The following HFM1 variants were observed in gnomAD, a reference collection of about 807,000 sequenced individuals.
The protein encoded by HFM1 is probable ATP-dependent DNA helicase HFM1.
HFM1 carries 169 observed loss-of-function variants against 192.1 expected under a neutral mutation model. The observed-to-expected ratio is 0.88, with a 90% CI of 0.78 to 1.00. The LOEUF is 1.00. HFM1 is among the 50% of genes least tolerant of loss of function. The pLI is 0.00. For missense variants in HFM1, 1,661 were observed against 1,668.0 expected, an observed-to-expected ratio of 1.00 and a Z score of 0.07; for synonymous variants, 525 against 537.8, an observed-to-expected ratio of 0.98 and a Z score of 0.33.
At chr1:91,385,164 A>G in intron 6 of HFM1, 23 bp downstream of exon 6, 1 of 1,351,320 alleles carries the variant, frequency 7.4e-7, no homozygotes, top group South Asian at 1.3e-5. Flanking sequence ...CAAAGCAGCT[A>G]TTGTAAATAA....
chr1:91,353,014 T>C, intron 15 of HFM1, 37 bp downstream of exon 15: 1 of 1,297,036 alleles, frequency 7.7e-7, no homozygotes, highest in Non-Finnish European at 1.1e-6. Flanking sequence ...TTTTCCAAAA[T>C]ATTTTATAGT....
chr1:91,315,943 T>A lies in HFM1; in HGVS notation c.3012A>T (p.Glu1004Asp). Residue 1004 changes from glutamate (E) to aspartate (D), a missense_variant, in exon 28 of 39, where the codon GAA (glutamate) becomes GAT (aspartate). Transcript: ENST00000370425. Reference sequence around the variant, plus strand: ...TTCTTAATATAACAGTCACTAATATTTCTGCCGTCGTATCACTATATCTTG... The same window carrying A: ...TTCTTAATATAACAGTCACTAATATATCTGCCGTCGTATCACTATATCTTG... ...QITRYSDTTA[E>D]ILVTVILRNF... 6.3e-7 allele frequency: 1 copy of A among 1,592,990 alleles called. No homozygotes were observed. Among genetic ancestry groups the A allele is most frequent in the Non-Finnish European group, 8.6e-7 (1 of 1,161,698 alleles).
chr1:91,313,692 T>C (rs1650801643), intron 29 of HFM1, among the ~76,000 whole-genome samples, 197 bp from the exon 30 acceptor site: 1 of 151,858 alleles, frequency 6.6e-6, no homozygotes, highest in South Asian at 2.1e-4. Flanking sequence ...ATAAAAATCT[T>C]CCAACAATAA....
Position 91,273,815 on chromosome 1 carries a change from C to T in HFM1, c.3669G>A (p.Arg1223=). 6.7e-7 allele frequency: 1 copy of T among 1,485,802 alleles called. No homozygotes were observed. 92.0% of individuals were successfully genotyped at this position (1,485,802 alleles called of 1,614,324 possible). A position where few individuals can be genotyped will look rare whatever the true frequency, so the allele number is the denominator to read the frequency against. ...ATTCAGATATGTTTAAATATTCTGA[C>T]CTTTATAAAGATAAAACCATGAAAA... ...TPKPSLPSIS[R]SEYLNISELP... Residue 1223 remains arginine (R), a splice_region_variant and synonymous_variant, in exon 34 of 39, where the codon AGG becomes AGA. Transcript: ENST00000370425.
At chr1:91,378,519 T>A in intron 9 of HFM1, 39 bp from the exon 10 acceptor site, 1 of 1,155,332 alleles carries the variant, frequency 8.7e-7, no homozygotes, top group Non-Finnish European at 1.3e-6. Context: ...TTTAATGTGA[T>A]AAGGAATTAT....
Position 91,322,990 on chromosome 1 carries a change from T to C in HFM1, c.2542A>G (p.Met848Val), listed in dbSNP as rs1269307059. ...TCTCTTGTTTTAATTCTTCCTTCCA[T>C]TGGAAATCTGTAAATAAAACCACAT... is the stretch of plus-strand genomic sequence containing the variant. ...DPNRITIRFP[M>V]EGRIKTREMK... Residue 848 changes from methionine (M) to valine (V), a missense_variant, in exon 23 of 39, where the codon ATG (methionine) becomes GTG (valine). Met to Val is a conservative substitution (Grantham distance 21). Transcript: ENST00000370425. 1.5e-6 allele frequency: 2 copies of C among 1,376,564 alleles called. No individual in the cohort carries two copies. The highest frequency in any genetic ancestry group is 2.0e-6 in the Non-Finnish European group (2 of 1,023,374). 85.3% of individuals were successfully genotyped at this position (1,376,564 alleles called of 1,614,324 possible).
intron 11 of HFM1, among the ~76,000 whole-genome samples, 163 bp from the exon 12 acceptor site, chr1:91,375,890 T>C (rs997133305): frequency 3.9e-5 from 6 of 151,984 alleles, no homozygotes; most frequent in African/African-American, 1.4e-4. Context: ...ATTCTGTTGA[T>C]ATAGTGGTCA....
Position 91,394,074 on chromosome 1 carries a change from G to C in HFM1, c.494+19C>G. 1 of 1,282,542 alleles carries C rather than the reference G, an allele frequency of 7.8e-7. No individual in the cohort carries two copies. Among genetic ancestry groups the C allele is most frequent in the Non-Finnish European group, 1.1e-6 (1 of 921,544 alleles). 79.4% of individuals were successfully genotyped at this position (1,282,542 alleles called of 1,614,324 possible). On this transcript the variant is annotated intron_variant, in intron 4 of 38. Transcript: ENST00000370425. ...AACTTTATTCACAGAATATTATTTAGTTTAATTATAATAATTACCTTTTCC... is the reference window on the plus strand; with the variant it reads ...AACTTTATTCACAGAATATTATTTACTTTAATTATAATAATTACCTTTTCC...
intron 20 of HFM1, among the ~76,000 whole-genome samples, chr1:91,333,068 G>C (rs553389564): frequency 1.3e-5 from 2 of 152,116 alleles, no homozygotes; most frequent in African/African-American, 4.8e-5. Context: ...TAAAAAGAGA[G>C]CTACTATATG....
At chr1:91,277,306 A>G (rs1666920312) in intron 30 of HFM1, among the ~76,000 whole-genome samples, 1 of 151,306 alleles carries the variant, frequency 6.6e-6, no homozygotes. Context: ...TACAGCCTCA[A>G]TCTCCTGGGC....
At chr1:91,268,814 C>T (rs571669783) in intron 34 of HFM1, among the ~76,000 whole-genome samples, 12 of 152,058 alleles carry the variant, frequency 7.9e-5, no homozygotes, top group African/African-American at 2.6e-4. Context: ...CTGCAAGTGA[C>T]GAATGTAGCT....
Position 91,375,641 on chromosome 1 carries a change from C to T in HFM1, c.1482G>A (p.Val494=), listed in dbSNP as rs1215846598. ...TACTACTGCAGGGAAATCCAAGGAC[C>T]ACTTTCTGAAGTTTCACTGGTCTAT... The part of the protein sequence containing the change: ...ESHRPVKLQK[V]VLGFPCSSNQ... Residue 494 remains valine (V), a synonymous_variant, in exon 12 of 39, where the codon GTG becomes GTA. Transcript: ENST00000370425. 1.9e-6 allele frequency: 3 copies of T among 1,613,414 alleles called. No individual in the cohort carries two copies. The highest frequency in any genetic ancestry group is 2.5e-6 in the Non-Finnish European group (3 of 1,179,540).
At chr1:91,400,519 T>C (rs111271890) in intron 2 of HFM1, among the ~76,000 whole-genome samples, 1 of 152,098 alleles carries the variant, frequency 6.6e-6, no homozygotes, top group African/African-American at 2.4e-5. Context: ...TTTCACTCTG[T>C]TGCTCTGGCT....
intron 30 of HFM1, among the ~76,000 whole-genome samples, chr1:91,288,771 ACTT>A (rs1397285731): frequency 6.6e-6 from 1 of 152,156 alleles, no homozygotes; most frequent in East Asian, 1.9e-4. Context: ...TCCTATGTCT[ACTT>A]CTTTCTACAC....
chr1:91,292,421 G>T (rs755552039), intron 30 of HFM1, among the ~76,000 whole-genome samples: 1 of 133,094 alleles, frequency 7.5e-6, no homozygotes, highest in South Asian at 2.7e-4. Flanking sequence ...GACAAACAGA[G>T]AGCCAAATCA....
chr1:91,331,416 A>C (rs1335824862), intron 20 of HFM1, among the ~76,000 whole-genome samples: 1 of 152,204 alleles, frequency 6.6e-6, no homozygotes, highest in Non-Finnish European at 1.5e-5. Context: ...AAAAGAAGTA[A>C]AAGATCTTTG....
At position 91,380,150 on chromosome 1, in the gene HFM1, C is replaced by A; in HGVS notation, c.960G>T (p.Leu320Phe). 1 of 1,498,102 alleles carries A rather than the reference C, an allele frequency of 6.7e-7. No homozygotes were observed. Among genetic ancestry groups the A allele is most frequent in the Non-Finnish European group, 9.2e-7 (1 of 1,090,786 alleles). The allele number at this position is 1,498,102 out of a possible 1,614,324, so 92.8% of individuals were successfully genotyped here. Residue 320 changes from leucine (L) to phenylalanine (F), a missense_variant, in exon 8 of 39, where the codon TTG (leucine) becomes TTT (phenylalanine). By Grantham distance (22) the Leu-to-Phe change is conservative. Coordinates refer to ENST00000370425, the MANE Select transcript of HFM1 (RefSeq NM_001017975.6). ...TVVFELAITR[L>F]LMEVPLPWLN... Reference sequence around the variant, plus strand: ...ACCATGGCAATGGTACTTCCATTAACAATCTTGTTATAGCTAGTTCAAACA... The same window carrying A: ...ACCATGGCAATGGTACTTCCATTAAAAATCTTGTTATAGCTAGTTCAAACA...
chr1:91,335,516 G>A (rs1056252880), intron 20 of HFM1, among the ~76,000 whole-genome samples: 3 of 152,056 alleles, frequency 2.0e-5, no homozygotes, highest in African/African-American at 7.2e-5. Flanking sequence ...AAAGCAGAGG[G>A]AATGAAAAGT....
chr1:91,326,724 A>T (rs1337732631), intron 20 of HFM1, among the ~76,000 whole-genome samples: 1 of 152,228 alleles, frequency 6.6e-6, no homozygotes, highest in South Asian at 2.1e-4. Context: ...ACAGAATATT[A>T]TAACACTGTA....
Sources: gnomAD v4.1 joint callset for allele counts (sites outside exome capture counted in the v4.1 genomes callset) on GRCh38, gnomAD v4.1.1 for gene constraint, MANE v1.5 for transcripts, NCBI Gene and HGNC (gene_info 2026-07-23, HGNC 2026-07-21) for gene names.